Variants in DPP10 observed in about 807,000 individuals in gnomAD.
DPP10 encodes the protein dipeptidyl peptidase like 10, also known as inactive dipeptidyl peptidase 10.
A neutral mutation model predicts 120.9 loss-of-function variants in DPP10; 33 were observed. The ratio of observed to expected loss-of-function variants is 0.27; its 90% CI spans 0.21 to 0.37. The LOEUF (loss-of-function observed/expected upper bound fraction) is 0.37, where lower values mean the gene tolerates loss of function less well. DPP10 is among the 10% of genes least tolerant of loss of function. The pLI is 1.00. For missense variants in DPP10, 816 were observed against 942.8 expected, an observed-to-expected ratio of 0.87 and a Z score of 1.76; for synonymous variants, 337 against 326.1, an observed-to-expected ratio of 1.03 and a Z score of -0.36.
intron 5 of DPP10, among the ~76,000 whole-genome samples, chr2:115,631,956 C>T (rs767370847): frequency 1.3e-5 from 2 of 151,946 alleles, no homozygotes; most frequent in Non-Finnish European, 1.5e-5. Context: ...GTTCAAGTCC[C>T]GTATATCCCT....
chr2:114,760,093 C>T (rs920644759), intron 1 of DPP10, among the ~76,000 whole-genome samples: 12 of 152,214 alleles, frequency 7.9e-5, no homozygotes, highest in Admixed American at 6.5e-4. Context: ...CTGTAGAAGT[C>T]CCTCCAGCTG....
chr2:115,728,695 G>A (rs1331806674), intron 8 of DPP10, among the ~76,000 whole-genome samples: 1 of 152,110 alleles, frequency 6.6e-6, no homozygotes, highest in African/African-American at 2.4e-5. Context: ...ATTTGCAAAT[G>A]TAATCTCTCT....
chr2:114,932,691 C>T (rs1280702975), intron 1 of DPP10, among the ~76,000 whole-genome samples: 4 of 152,014 alleles, frequency 2.6e-5, no homozygotes, highest in Admixed American at 6.6e-5. Context: ...TGAAATCTTC[C>T]GAGGTGCTGG....
intron 1 of DPP10, 70 bp from the exon 2 acceptor site, chr2:115,309,169 A>G: frequency 8.2e-7 from 1 of 1,220,260 alleles, no homozygotes; most frequent in Non-Finnish European, 1.2e-6. Context: ...CATGCACTGA[A>G]TCATTCCTTT....
intron 1 of DPP10, among the ~76,000 whole-genome samples, chr2:114,535,929 C>A (rs560294994): frequency 6.6e-6 from 1 of 152,218 alleles, no homozygotes; most frequent in South Asian, 2.1e-4. Flanking sequence ...GTATCCATGG[C>A]AGACTCCAGG....
chr2:114,845,244 G>A (rs1280095229), intron 1 of DPP10, among the ~76,000 whole-genome samples: 1 of 152,022 alleles, frequency 6.6e-6, no homozygotes, highest in Non-Finnish European at 1.5e-5. Flanking sequence ...TTCCAATCAA[G>A]AAACTTACAA....
At chr2:115,206,074 A>G (rs573949487) in intron 1 of DPP10, among the ~76,000 whole-genome samples, 2 of 152,306 alleles carry the variant, frequency 1.3e-5, no homozygotes, top group Non-Finnish European at 2.9e-5. Flanking sequence ...AGGAGGAGCA[A>G]CTTCTCACTT....
chr2:115,633,088 T>G (rs891207785), intron 5 of DPP10, among the ~76,000 whole-genome samples: 1 of 152,074 alleles, frequency 6.6e-6, no homozygotes, highest in Non-Finnish European at 1.5e-5. Flanking sequence ...TGGGTATATA[T>G]CCAAAGGATT....
chr2:115,479,678 A>G (rs984627872), intron 3 of DPP10, among the ~76,000 whole-genome samples: 1 of 152,168 alleles, frequency 6.6e-6, no homozygotes, highest in Admixed American at 6.6e-5. Flanking sequence ...GTGATAAAAT[A>G]TGGTCTCCCA....
At chr2:115,042,008 CTTTTTTTTTTTT>C (rs5833573) in intron 1 of DPP10, among the ~76,000 whole-genome samples, 1 of 80,336 alleles carries the variant, frequency 1.2e-5, no homozygotes, top group Non-Finnish European at 2.4e-5. Context: ...TCTATCTTAT[CTTTTTTTTTTTT>C]TTTTTTTTTT....
intron 1 of DPP10, among the ~76,000 whole-genome samples, chr2:114,627,084 G>A (rs1438755851): frequency 2.6e-5 from 4 of 151,986 alleles, no homozygotes; most frequent in Non-Finnish European, 4.4e-5. Context: ...AATTTTAAGC[G>A]CTTTGCTTTA....
chr2:115,321,219 T>A (rs2062041203), intron 2 of DPP10, among the ~76,000 whole-genome samples: 1 of 152,146 alleles, frequency 6.6e-6, no homozygotes, highest in South Asian at 2.1e-4. Flanking sequence ...GAGAATCACT[T>A]GAACCCAGGA....
chr2:115,664,655 C>G (rs1386431327), intron 5 of DPP10, among the ~76,000 whole-genome samples: 1 of 152,178 alleles, frequency 6.6e-6, no homozygotes, highest in Non-Finnish European at 1.5e-5. Flanking sequence ...TGGTATTTAG[C>G]TGCTGAGCTC....
chr2:115,141,064 G>C (rs2050902701), intron 1 of DPP10, among the ~76,000 whole-genome samples: 1 of 152,150 alleles, frequency 6.6e-6, no homozygotes, highest in Admixed American at 6.5e-5. Flanking sequence ...AATTGAGTTA[G>C]AGCAAGAAGG....
At chr2:114,617,233 A>G (rs1343783751) in intron 1 of DPP10, among the ~76,000 whole-genome samples, 1 of 152,132 alleles carries the variant, frequency 6.6e-6, no homozygotes, top group Non-Finnish European at 1.5e-5. Context: ...GAGGACATTT[A>G]CGTATGGGTC....
chr2:114,847,239 T>G (rs978422562), intron 1 of DPP10, among the ~76,000 whole-genome samples: 1 of 152,076 alleles, frequency 6.6e-6, no homozygotes. Context: ...TTCTACAGGC[T>G]CCTTCACAAT....
intron 1 of DPP10, among the ~76,000 whole-genome samples, chr2:115,025,125 T>C (rs1005541845): frequency 8.6e-5 from 13 of 151,910 alleles, no homozygotes; most frequent in African/African-American, 3.1e-4. Flanking sequence ...TATCTAACTG[T>C]ATATTTGTCT....
rs1246146091 is a variant in DPP10 at position 114,546,102 on chromosome 2, T to TC, written c.60+103270dup. 6.6e-5 allele frequency among the ~76,000 whole-genome samples: 10 copies of TC among 151,838 alleles called. No homozygotes were observed. The East Asian group carries it at 1.4e-3, about 21-fold the overall frequency. On this transcript the variant is annotated intron_variant, in intron 1 of 25. Transcript: ENST00000410059. ...ATTCTTGAGAGTCATAATTCAGCAT[T>TC]CCCCCCTGTATCAGTCCATTTTTTC... is the stretch of plus-strand genomic sequence containing the variant.
intron 2 of DPP10, among the ~76,000 whole-genome samples, chr2:115,331,587 G>T (rs1363364013): frequency 6.6e-6 from 1 of 152,104 alleles, no homozygotes; most frequent in African/African-American, 2.4e-5. Flanking sequence ...ATTATTTTGA[G>T]ATATGTCCCA....
Sources: allele counts gnomAD v4.1 joint callset (sites outside exome capture counted in the v4.1 genomes callset), GRCh38; gene constraint gnomAD v4.1.1; transcripts MANE v1.5; gene names NCBI Gene and HGNC (gene_info 2026-07-23, HGNC 2026-07-21).